The following TYMS variants were observed in gnomAD, a reference collection of about 807,000 sequenced individuals.
TYMS encodes thymidylate synthase.
In TYMS, 21 loss-of-function variants were observed where a neutral mutation model predicts 39.3. The observed-to-expected ratio is 0.54, with a 90% CI of 0.38 to 0.77. TYMS has a LOEUF of 0.77. TYMS is among the 30% of genes least tolerant of loss of function. The pLI is 0.00. For synonymous variants in TYMS, 171 were observed against 162.2 expected (o/e 1.05, Z -0.41); for missense variants, 273 against 406.7 (o/e 0.67, Z 2.83).
At chr18:668,967 AG>A in intron 3 of TYMS, 104 bp from the exon 4 acceptor site, 2 of 926,274 alleles carry the variant, frequency 2.2e-6, no homozygotes, top group Non-Finnish European at 3.3e-6. Context: ...CCATGGGTCA[AG>A]GGGGGACCCT....
Position 658,597 on chromosome 18 carries a change from T to G in TYMS, c.205+650T>G. On this transcript the variant is annotated intron_variant, in intron 1 of 6. Transcript: ENST00000323274. This position sits in a 1 kb window ranked among gnomAD's most constrained non-coding sequence, Gnocchi z 4.5. ...CGACAGGAGCACCCCAGGCAAAAAA[T>G]GTCTCGCGGGTCATTGGCGCCAGGC... The G allele has an allele frequency of 9.1e-6, 2 of 220,476 alleles. No homozygotes were observed. The highest frequency in any genetic ancestry group is 1.8e-5 in the Non-Finnish European group (2 of 111,416). The allele number at this position is 220,476 out of a possible 1,614,324, so 13.7% of individuals were successfully genotyped here. A position where few individuals can be genotyped will look rare whatever the true frequency, so the allele number is the denominator to read the frequency against.
intron 4 of TYMS, 195 bp from the exon 5 acceptor site, chr18:670,497 T>C: frequency 1.7e-6 from 1 of 588,326 alleles, no homozygotes; most frequent in Non-Finnish European, 3.0e-6. Flanking sequence ...GCAGAAACCT[T>C]GCACCGATGG....
intron 5 of TYMS, 136 bp from the exon 6 acceptor site, chr18:671,244 C>T (rs2075033625): frequency 1.4e-6 from 1 of 697,490 alleles, no homozygotes; most frequent in South Asian, 1.7e-5. Context: ...GCTGTTGCTA[C>T]AAAAAAATGG....
At position 658,404 on chromosome 18, in the gene TYMS, G is replaced by A; in HGVS notation, c.205+457G>A. ...AAAAACTGGAGCGAAAGTGATGTGG[G>A]CGGGGCAAAGGCGGCGGGAAGAGGA... is the stretch of plus-strand genomic sequence containing the variant. On this transcript the variant is annotated intron_variant, in intron 1 of 6. Coordinates refer to ENST00000323274, the MANE Select transcript of TYMS (RefSeq NM_001071.4). The surrounding 1 kb of genome is among the most constrained non-coding windows in gnomAD (Gnocchi z 4.5). 8.3e-7 allele frequency: 1 copy of A among 1,210,106 alleles called. No homozygotes were observed. Among genetic ancestry groups the A allele is most frequent in the Admixed American group, 3.2e-5 (1 of 30,822 alleles). 75.0% of individuals were successfully genotyped at this position (1,210,106 alleles called of 1,614,324 possible).
At position 658,322 on chromosome 18, in the gene TYMS, T is replaced by C; in HGVS notation, c.205+375T>C. On this transcript the variant is annotated intron_variant, in intron 1 of 6. Coordinates refer to ENST00000323274, the MANE Select transcript of TYMS (RefSeq NM_001071.4). The surrounding 1 kb of genome is among the most constrained non-coding windows in gnomAD (Gnocchi z 4.5). ...TGACCGCGCGCCGGTCTCAAAGTCC[T>C]GGCTTTGGCCCCTCCTCCGTTTTCC... 1 of 1,366,098 alleles carries C rather than the reference T, an allele frequency of 7.3e-7. No homozygotes were observed. The highest frequency in any genetic ancestry group is 9.7e-7 in the Non-Finnish European group (1 of 1,030,332). The allele number at this position is 1,366,098 out of a possible 1,614,324, so 84.6% of individuals were successfully genotyped here.
intron 4 of TYMS, 190 bp from the exon 5 acceptor site, chr18:670,502 C>G (rs1267323730): frequency 1.2e-5 from 7 of 596,824 alleles, no homozygotes; most frequent in African/African-American, 1.9e-5. Context: ...AACCTTGCAC[C>G]GATGGATAGT....
intron 3 of TYMS, among the ~76,000 whole-genome samples, chr18:668,475 T>TAATC (rs1012619245): frequency 1.3e-5 from 2 of 152,184 alleles, no homozygotes; most frequent in Admixed American, 6.5e-5. Flanking sequence ...CAAGGTGGTG[T>TAATC]AATCATTACA....
At chr18:670,604 G>A in intron 4 of TYMS, 88 bp from the exon 5 acceptor site, 1 of 1,436,302 alleles carries the variant, frequency 7.0e-7, no homozygotes, top group Non-Finnish European at 9.6e-7. Context: ...ATATGAGTTG[G>A]CTTCTGTTTC....
At position 667,603 on chromosome 18, in the gene TYMS, ATGGT is replaced by A. The variant is rs1567991063; in HGVS notation, c.455-1468_455-1465del. The A allele has an allele frequency of 1.4e-4, 15 of 105,150 alleles. 3 individuals are homozygous for A. Among genetic ancestry groups the A allele is most frequent in the East Asian group, 3.8e-4 (1 of 2,610 alleles). The allele number at this position is 105,150 out of a possible 1,614,324, so 6.5% of individuals were successfully genotyped here. A position where few individuals can be genotyped will look rare whatever the true frequency, so the allele number is the denominator to read the frequency against. On this transcript the variant is annotated intron_variant, in intron 3 of 6. Transcript: ENST00000323274. ...GATGGTGATGGTGATGGTGATGGTG[ATGGT>A]GATGGAGATGGGTGATGGTGATGGT...
At chr18:667,615 A>G (rs1471811074) in intron 3 of TYMS, 1 of 103,144 alleles carries the variant, frequency 9.7e-6, no homozygotes, top group African/African-American at 4.9e-5. Context: ...GGTGATGGAG[A>G]TGGGTGATGG....
rs1323389786 is a variant in TYMS at position 662,292 on chromosome 18, T to C, written c.426T>C (p.Phe142=). 6.2e-7 allele frequency: 1 copy of C among 1,612,918 alleles called. No homozygotes were observed. The highest frequency in any genetic ancestry group is 1.3e-5 in the African/African-American group (1 of 74,788). Reference sequence around the variant, plus strand: ...TTTATGGCTTCCAGTGGAGGCATTTTGGGGCAGAATACAGAGATATGGAAT... The same window carrying C: ...TTTATGGCTTCCAGTGGAGGCATTTCGGGGCAGAATACAGAGATATGGAAT... The part of the protein sequence containing the change: ...GPVYGFQWRH[F]GAEYRDMESD... The change falls in exon 3 of 7, where the codon TTT becomes TTC. Residue 142 remains phenylalanine (F), a synonymous_variant. Transcript: ENST00000323274.
In TYMS at chr18:660,267, A is replaced by G. The variant is rs191547090; in HGVS notation, c.279+553A>G. 4.8e-4 allele frequency among the ~76,000 whole-genome samples: 73 copies of G among 152,178 alleles called. No homozygotes were observed. The East Asian group carries it at 0.013, about 26-fold the overall frequency. On this transcript the variant is annotated intron_variant, in intron 2 of 6. Transcript: ENST00000323274. This position sits in a 1 kb window ranked among gnomAD's most constrained non-coding sequence, Gnocchi z 4.6. ...CACCGGGACATCCCCACTCCCTGGA[A>G]CCTTCTTCCCCCACACTTGGCTTCT...
At position 672,919 on chromosome 18, in the gene TYMS, T is replaced by C. The variant is rs1004182939; in HGVS notation, c.864T>C (p.Ile288=). Residue 288 remains isoleucine, a synonymous_variant, in exon 7 of 7, where the codon ATT becomes ATC. Transcript: ENST00000323274. ...GGATTCTTCGAAAAGTTGAGAAAATTGATGACTTCAAAGCTGAAGACTTTC... is the reference window on the plus strand; with the variant it reads ...GGATTCTTCGAAAAGTTGAGAAAATCGATGACTTCAAAGCTGAAGACTTTC... ...KLRILRKVEK[I]DDFKAEDFQI... 8 of 1,598,396 alleles carry C rather than the reference T, an allele frequency of 5.0e-6. No individual in the cohort carries two copies. Among genetic ancestry groups the C allele is most frequent in the Non-Finnish European group, 5.1e-6 (6 of 1,167,860 alleles).
At chr18:672,164 C>T (rs958254797) in intron 6 of TYMS, 5 of 152,170 alleles carry the variant, frequency 3.3e-5, no homozygotes, top group Non-Finnish European at 1.5e-5. Context: ...GTTATAGCAG[C>T]CAACAATTGA....
In TYMS at chr18:673,043, TG is replaced by T; in HGVS notation, c.*49del. The T allele has an allele frequency of 6.9e-7, 1 of 1,455,596 alleles. No homozygotes were observed. Among genetic ancestry groups the T allele is most frequent in the Non-Finnish European group, 9.2e-7 (1 of 1,086,678 alleles). 90.2% of individuals were successfully genotyped at this position (1,455,596 alleles called of 1,614,324 possible). On this transcript the variant is annotated 3_prime_UTR_variant, in exon 7 of 7. Transcript: ENST00000323274. ...AAGGATATTGTCAGTCTTTAGGGGT[TG>T]GGCTGGATGCCGAGGTAAAAGTTCT...
At chr18:670,002 A>G (rs1023665699) in intron 4 of TYMS, among the ~76,000 whole-genome samples, 6 of 151,358 alleles carry the variant, frequency 4.0e-5, no homozygotes, top group Non-Finnish European at 7.4e-5. Flanking sequence ...TCAGGATATC[A>G]TAAGTACTTA....
chr18:665,156 T>C (rs201179124), intron 3 of TYMS, among the ~76,000 whole-genome samples: 54,799 of 122,344 alleles, frequency 0.45, 10,510 homozygotes, highest in East Asian at 0.66. Context: ...CCTGGACTCT[T>C]TTTGGTTGGT....
At chr18:671,261 T>G (rs2075034967) in intron 5 of TYMS, 119 bp from the exon 6 acceptor site, 1 of 761,970 alleles carries the variant, frequency 1.3e-6, no homozygotes, top group Admixed American at 2.2e-5. Flanking sequence ...ATGGAAAAGC[T>G]ACACTAAATT....
At chr18:668,646 A>G (rs1282204034) in intron 3 of TYMS, among the ~76,000 whole-genome samples, 10 of 152,218 alleles carry the variant, frequency 6.6e-5, no homozygotes, top group Admixed American at 5.9e-4. Flanking sequence ...TACATAAGAT[A>G]CAACACTCTC....
Sources: allele counts gnomAD v4.1 joint callset (sites outside exome capture counted in the v4.1 genomes callset), GRCh38; gene constraint gnomAD v4.1.1; non-coding constraint Gnocchi (gnomAD v3.1); transcripts MANE v1.5; gene names NCBI Gene and HGNC (gene_info 2026-07-23, HGNC 2026-07-21).